The following PTPRD variants were observed in gnomAD, a reference collection of about 807,000 sequenced individuals.
PTPRD encodes protein tyrosine phosphatase receptor type D, also known as receptor-type tyrosine-protein phosphatase delta.
Under a neutral mutation model 214.5 loss-of-function variants are expected in PTPRD, and 34 were observed. That is an observed-to-expected ratio of 0.16 (90% CI 0.12 to 0.21). PTPRD has a LOEUF of 0.21. PTPRD is among the 10% of genes least tolerant of loss of function. The pLI is 1.00. For missense variants in PTPRD, 2,545 were observed against 2,398.7 expected (o/e 1.06, Z -1.27); for synonymous variants, 1,128 against 845.7 (o/e 1.33, Z -5.79).
chr9:8,741,706 T>C (rs994448649), intron 11 of PTPRD, among the ~76,000 whole-genome samples: 7 of 148,640 alleles, frequency 4.7e-5, no homozygotes, highest in African/African-American at 7.4e-5. Flanking sequence ...TTCTCCTGCC[T>C]CAGCCTCCTG....
chr9:9,322,470 T>G (rs1055266142), intron 9 of PTPRD, among the ~76,000 whole-genome samples: 1 of 152,174 alleles, frequency 6.6e-6, no homozygotes, highest in Non-Finnish European at 1.5e-5. Context: ...GGAGTTTGAT[T>G]TCAGTGTACA....
At chr9:9,888,101 C>G (rs2071669091) in intron 5 of PTPRD, among the ~76,000 whole-genome samples, 1 of 152,154 alleles carries the variant, frequency 6.6e-6, no homozygotes, top group Admixed American at 6.6e-5. Context: ...AGCCATTCCT[C>G]TCCCTTCAGT....
rs189257224 is a variant in PTPRD at position 9,765,078 on chromosome 9, G to T, written c.-326+1732C>A. ...ATTCATTCCCTGTCTGGCAGTGCAC[G>T]TCAGCTGGCTTATTTTCTTTGGATA... On this transcript the variant is annotated intron_variant, in intron 6 of 45. Coordinates refer to ENST00000381196, the MANE Select transcript of PTPRD (RefSeq NM_002839.4). Among the ~76,000 whole-genome samples, 697 of 152,206 alleles carry T rather than the reference G, an allele frequency of 4.6e-3. 3 individuals carry two copies. The highest frequency in any genetic ancestry group is 0.016 in the African/African-American group (658 of 41,510).
chr9:9,067,553 A>T (rs1378720238), intron 10 of PTPRD, among the ~76,000 whole-genome samples: 1 of 152,144 alleles, frequency 6.6e-6, no homozygotes, highest in African/African-American at 2.4e-5. Flanking sequence ...TATCTTCTAT[A>T]TATTCTTATA....
intron 3 of PTPRD, among the ~76,000 whole-genome samples, chr9:10,160,647 C>T (rs2099122104): frequency 2.0e-5 from 3 of 151,738 alleles, no homozygotes; most frequent in Non-Finnish European, 4.4e-5. Flanking sequence ...ATAATGAAAT[C>T]CTCTTTTATG....
intron 12 of PTPRD, among the ~76,000 whole-genome samples, chr9:8,673,560 AC>A (rs2097332668): frequency 6.6e-6 from 1 of 152,192 alleles, no homozygotes; most frequent in Non-Finnish European, 1.5e-5. Flanking sequence ...GGTAATGGTT[AC>A]TAAGATGACT....
chr9:9,005,129 A>G (rs1418299923), intron 11 of PTPRD, among the ~76,000 whole-genome samples: 4 of 152,028 alleles, frequency 2.6e-5, no homozygotes, highest in Non-Finnish European at 5.9e-5. Flanking sequence ...GTCTGTTTCC[A>G]CTGGTAGAAA....
intron 3 of PTPRD, among the ~76,000 whole-genome samples, chr9:10,199,846 A>G (rs1452998101): frequency 6.6e-6 from 1 of 151,874 alleles, no homozygotes; most frequent in Non-Finnish European, 1.5e-5. Flanking sequence ...TAAAGTAAAA[A>G]GATGGAGGCA....
intron 13 of PTPRD, 61 bp from the exon 14 acceptor site, chr9:8,633,519 G>C: frequency 1.3e-6 from 2 of 1,582,050 alleles, no homozygotes; most frequent in African/African-American, 1.4e-5. Flanking sequence ...CTCAGCTAAA[G>C]CTCTCAATAC....
intron 11 of PTPRD, among the ~76,000 whole-genome samples, chr9:8,844,668 G>A (rs1285771936): frequency 6.6e-6 from 1 of 152,104 alleles, no homozygotes; most frequent in Non-Finnish European, 1.5e-5. Context: ...CCTTTTTCAA[G>A]GAAGATGGGT....
At chr9:9,370,158 G>C (rs2059062337) in intron 9 of PTPRD, among the ~76,000 whole-genome samples, 1 of 151,974 alleles carries the variant, frequency 6.6e-6, no homozygotes, top group South Asian at 2.1e-4. Flanking sequence ...AAAGTCATTG[G>C]TAGCTTGATG....
At chr9:9,685,676 C>T (rs184993221) in intron 7 of PTPRD, among the ~76,000 whole-genome samples, 23 of 151,010 alleles carry the variant, frequency 1.5e-4, no homozygotes, top group Non-Finnish European at 1.5e-4. Context: ...TTAGAATTGG[C>T]TGCTCTTAAG....
At chr9:9,700,260 A>C (rs1234734302) in intron 7 of PTPRD, among the ~76,000 whole-genome samples, 2 of 152,144 alleles carry the variant, frequency 1.3e-5, no homozygotes, top group African/African-American at 4.8e-5. Context: ...ATGAAATTTT[A>C]ATATTCCTCT....
intron 5 of PTPRD, among the ~76,000 whole-genome samples, chr9:9,882,097 C>G (rs1196752977): frequency 6.6e-6 from 1 of 152,060 alleles, no homozygotes; most frequent in Non-Finnish European, 1.5e-5. Flanking sequence ...TTTCCAATGA[C>G]CTGTATTTAA....
At position 9,597,207 on chromosome 9, in the gene PTPRD, G is replaced by A. The variant is rs1448421079; in HGVS notation, c.-286-22426C>T. 2.0e-5 allele frequency among the ~76,000 whole-genome samples: 3 copies of A among 151,910 alleles called. No homozygotes were observed. The East Asian group carries it at 5.8e-4, about 29-fold the overall frequency. On this transcript the variant is annotated intron_variant, in intron 7 of 45. Coordinates refer to ENST00000381196, the MANE Select transcript of PTPRD (RefSeq NM_002839.4). ...CCTTAAAACAGAAAGTGGATAAAGA[G>A]AAAAGGCCAACAGATATAACCTCCC...
intron 3 of PTPRD, among the ~76,000 whole-genome samples, chr9:10,087,873 A>G (rs990899889): frequency 4.0e-5 from 6 of 151,758 alleles, no homozygotes; most frequent in African/African-American, 1.5e-4. Flanking sequence ...GAAAGTTTAT[A>G]TGATTCAATG....
Position 10,534,704 on chromosome 9 carries a change from C to G in PTPRD, c.-600+77694G>C, listed in dbSNP as rs879502468. 8.3e-4 allele frequency among the ~76,000 whole-genome samples: 126 copies of G among 152,012 alleles called. 8 individuals carry two copies. ...TTCCAACGGCAAATGCTACTATCTA[C>G]TAAGAAGAAGAAGAAAAAAAAGCAG... On this transcript the variant is annotated intron_variant, in intron 2 of 45. Transcript: ENST00000381196.
chr9:9,760,223 C>CT (rs1007399271), intron 6 of PTPRD, among the ~76,000 whole-genome samples: 11 of 151,534 alleles, frequency 7.3e-5, no homozygotes, highest in East Asian at 3.9e-4. Context: ...AATACATCTA[C>CT]TTTTTTTTTG....
chr9:9,267,197 A>G (rs1012314683), intron 9 of PTPRD, among the ~76,000 whole-genome samples: 1 of 151,288 alleles, frequency 6.6e-6, no homozygotes, highest in Non-Finnish European at 1.5e-5. Flanking sequence ...AAGAGCAAAA[A>G]CTCAAATAAA....
Sources: allele counts gnomAD v4.1 joint callset (sites outside exome capture counted in the v4.1 genomes callset), GRCh38; gene constraint gnomAD v4.1.1; transcripts MANE v1.5; gene names NCBI Gene and HGNC (gene_info 2026-07-23, HGNC 2026-07-21).